Variants in TRNT1 observed in about 807,000 individuals in gnomAD.
TRNT1 encodes tRNA nucleotidyl transferase 1, also known as CCA tRNA nucleotidyltransferase 1, mitochondrial.
TRNT1 carries 44 observed loss-of-function variants against 45.6 expected under a neutral mutation model. The ratio of observed to expected loss-of-function variants is 0.97; its 90% CI spans 0.76 to 1.24. The LOEUF (loss-of-function observed/expected upper bound fraction) is 1.24. TRNT1 is among the 50% of genes most tolerant of loss of function. TRNT1 has a pLI of 0.00. For missense variants in TRNT1, 633 were observed against 504.4 expected (o/e 1.25, Z -2.44); for synonymous variants, 201 against 171.4 (o/e 1.17, Z -1.35).
chr3:3,144,766 C>G, intron 5 of TRNT1, 56 bp downstream of exon 5: 1 of 1,423,318 alleles, frequency 7.0e-7, no homozygotes, highest in Non-Finnish European at 9.4e-7. Flanking sequence ...TAGAGCATAA[C>G]AGTGGTCATA....
chr3:3,151,121 G>T (rs1706512757), downstream of TRNT1: 8 of 1,507,692 alleles, frequency 5.3e-6, no homozygotes, highest in South Asian at 8.2e-5. Context: ...CTATCATGAA[G>T]ACAGACTTTA....
downstream of TRNT1, chr3:3,152,356 T>C (rs1267120188): frequency 3.1e-6 from 4 of 1,295,852 alleles, no homozygotes; most frequent in Non-Finnish European, 4.4e-6. Context: ...TGTCTACTTT[T>C]TATTATAAAG....
At chr3:3,149,897 A>C (rs568112829), downstream of TRNT1, 1 of 152,308 alleles carries the variant, frequency 6.6e-6, no homozygotes, top group African/African-American at 2.4e-5. Flanking sequence ...ACAAATGTGG[A>C]AGGAAGGACC....
chr3:3,129,147 A>C lies in TRNT1; in HGVS notation c.107A>C (p.Glu36Ala). The C allele has an allele frequency of 1.2e-6, 2 of 1,614,186 alleles. No homozygotes were observed. Among genetic ancestry groups the C allele is most frequent in the Non-Finnish European group, 1.7e-6 (2 of 1,180,034 alleles). ...YLFTMKLQSPEFQSLFTEGLK... is the reference protein window; with the variant it reads ...YLFTMKLQSPAFQSLFTEGLK... ...TTCACAATGAAGTTGCAGTCTCCCG[A>C]ATTCCAGTCACTTTTCACAGAAGGA... Residue 36 changes from glutamate (E) to alanine (A), a missense_variant, in exon 2 of 8, where the codon GAA becomes GCA. Physicochemically the swap from Glu to Ala is moderately radical, Grantham distance 107. Transcript: ENST00000251607.
intron 4 of TRNT1, among the ~76,000 whole-genome samples, chr3:3,140,996 C>T (rs998220655): frequency 3.9e-5 from 6 of 152,116 alleles, no homozygotes; most frequent in South Asian, 2.1e-4. Context: ...GGTGTGAACC[C>T]GGGAGGCGGA....
At chr3:3,143,257 A>G (rs1705771867) in intron 4 of TRNT1, among the ~76,000 whole-genome samples, 1 of 152,178 alleles carries the variant, frequency 6.6e-6, no homozygotes, top group Admixed American at 6.5e-5. Context: ...CCTTGGATGT[A>G]TGATTTTCAA....
downstream of TRNT1, chr3:3,150,067 CA>C (rs983237631): frequency 1.4e-4 from 21 of 152,190 alleles, no homozygotes; most frequent in African/African-American, 4.8e-4. Flanking sequence ...TTACATTGAA[CA>C]AAATAATACA....
chr3:3,145,316 A>T (rs1575062415), intron 5 of TRNT1: 1 of 152,314 alleles, frequency 6.6e-6, no homozygotes, highest in East Asian at 1.9e-4. Flanking sequence ...ATGCTGGCTA[A>T]CATGGTGAAA....
At chr3:3,143,829 A>C (rs334754) in intron 4 of TRNT1, among the ~76,000 whole-genome samples, 79,091 of 152,082 alleles carry the variant, frequency 0.52, 22,446 homozygotes, top group Middle Eastern at 0.71. Flanking sequence ...CTGCACTCCA[A>C]CCAGGGTGAC....
At chr3:3,140,839 T>C in intron 4 of TRNT1, 191 bp downstream of exon 4, 1 of 532,552 alleles carries the variant, frequency 1.9e-6, no homozygotes, top group South Asian at 2.4e-5. Flanking sequence ...TCCCAGCACT[T>C]TGGGAGGCCA....
chr3:3,127,942 C>T (rs972302507), intron 1 of TRNT1: 1 of 152,174 alleles, frequency 6.6e-6, no homozygotes, highest in Non-Finnish European at 1.5e-5. Context: ...ATTTCTGTAA[C>T]CAGGTACGGG....
chr3:3,134,663 A>G (rs533437289), intron 2 of TRNT1, among the ~76,000 whole-genome samples: 4 of 152,266 alleles, frequency 2.6e-5, no homozygotes, highest in Admixed American at 2.0e-4. Flanking sequence ...CAGCTACTTG[A>G]TACCGTTTTA....
chr3:3,152,651 AG>A, downstream of TRNT1: 1 of 1,593,034 alleles, frequency 6.3e-7, no homozygotes, highest in African/African-American at 1.3e-5. Flanking sequence ...TTAAATGCTT[AG>A]AATTTTATTG....
In TRNT1 at chr3:3,146,832, C is replaced by G. The variant is rs564039245; in HGVS notation, c.802+209C>G. On this transcript the variant is annotated intron_variant, in intron 6 of 7. Coordinates refer to ENST00000251607, the MANE Select transcript of TRNT1 (RefSeq NM_182916.3). ...GCTTGTGGTGCTTGTAGAGTAGTCT[C>G]TAGTCAGACCTAGGTTTGAAGGAAG... Among the ~76,000 whole-genome samples the G allele has an allele frequency of 2.0e-5, 3 of 152,178 alleles. No individual in the cohort carries two copies. The South Asian group carries it at 6.2e-4, about 32-fold the overall frequency.
chr3:3,144,458 T>G, intron 4 of TRNT1, 126 bp from the exon 5 acceptor site: 1 of 855,550 alleles, frequency 1.2e-6, no homozygotes. Flanking sequence ...TGAATACGTA[T>G]GTGTTTTAAT....
intron 1 of TRNT1, among the ~76,000 whole-genome samples, chr3:3,128,190 T>C (rs1414855340): frequency 2.0e-5 from 3 of 152,166 alleles, no homozygotes; most frequent in Non-Finnish European, 4.4e-5. Context: ...TCCTGCTAAA[T>C]CATGGAGGTT....
At chr3:3,137,573 C>A in intron 3 of TRNT1, 120 bp downstream of exon 3, 1 of 773,838 alleles carries the variant, frequency 1.3e-6, no homozygotes, top group Non-Finnish European at 2.0e-6. Flanking sequence ...TCTTCTATGC[C>A]CGTCATAAAC....
Position 3,144,568 on chromosome 3 carries a change from C to CT in TRNT1, c.482-12dup. Reference sequence around the variant, plus strand: ...TTGCCAATAGTGATTTTTCTCCCTCCTTTTCTAATGAATAGGTTTTGATGG... The same window carrying CT: ...TTGCCAATAGTGATTTTTCTCCCTCCTTTTTCTAATGAATAGGTTTTGATGG... On this transcript the variant is annotated splice_polypyrimidine_tract_variant and intron_variant, in intron 4 of 7. Coordinates refer to ENST00000251607, the MANE Select transcript of TRNT1 (RefSeq NM_182916.3). 1 of 1,568,094 alleles carries CT rather than the reference C, an allele frequency of 6.4e-7. No homozygotes were observed. The highest frequency in any genetic ancestry group is 1.4e-5 in the African/African-American group (1 of 72,846).
At chr3:3,144,762 A>G (rs1365792404) in intron 5 of TRNT1, 52 bp downstream of exon 5, 6 of 1,433,052 alleles carry the variant, frequency 4.2e-6, no homozygotes, top group East Asian at 2.5e-5. Context: ...TGACTAGAGC[A>G]TAACAGTGGT....
Sources: allele counts gnomAD v4.1 joint callset (sites outside exome capture counted in the v4.1 genomes callset), GRCh38; gene constraint gnomAD v4.1.1; transcripts MANE v1.5; gene names NCBI Gene and HGNC (gene_info 2026-07-23, HGNC 2026-07-21).